The following WDPCP variants were observed in gnomAD, a reference collection of about 807,000 sequenced individuals.
The protein encoded by WDPCP is WD repeat containing planar cell polarity effector.
WDPCP carries 71 observed loss-of-function variants against 93.1 expected under a neutral mutation model. That is an observed-to-expected ratio of 0.76 (90% CI 0.63 to 0.93). The LOEUF is 0.93. WDPCP is among the 40% of genes least tolerant of loss of function. The pLI is 0.00. For missense variants in WDPCP, 844 were observed against 887.4 expected, an observed-to-expected ratio of 0.95 and a Z score of 0.62; for synonymous variants, 315 against 315.0, an observed-to-expected ratio of 1.00 and a Z score of 0.00.
At chr2:63,544,366 TGACTTATAAAA>T (rs1160943950) in intron 1 of WDPCP, among the ~76,000 whole-genome samples, 1 of 152,168 alleles carries the variant, frequency 6.6e-6, no homozygotes, top group Non-Finnish European at 1.5e-5. Context: ...TAACTTTGTT[TGACTTATAAAA>T]GACTTATAAA....
chr2:63,362,127 A>C (rs1293728915), intron 12 of WDPCP, among the ~76,000 whole-genome samples: 2 of 152,056 alleles, frequency 1.3e-5, no homozygotes, highest in Non-Finnish European at 2.9e-5. Context: ...GTTACTGTTG[A>C]CTATAATTTC....
intron 12 of WDPCP, among the ~76,000 whole-genome samples, chr2:63,326,334 C>T (rs1000543347): frequency 3.9e-5 from 6 of 152,212 alleles, no homozygotes; most frequent in African/African-American, 7.2e-5. Flanking sequence ...TGACCTTAAC[C>T]TATATGTTGA....
At chr2:63,687,481 A>C (rs1175103801) in intron 2 of WDPCP, among the ~76,000 whole-genome samples, 1 of 152,252 alleles carries the variant, frequency 6.6e-6, no homozygotes, top group Non-Finnish European at 1.5e-5. Context: ...AAACAACTCA[A>C]TAGGAAAAAA....
chr2:63,258,572 C>T (rs1681339140), intron 14 of WDPCP, among the ~76,000 whole-genome samples: 1 of 152,130 alleles, frequency 6.6e-6, no homozygotes, highest in Non-Finnish European at 1.5e-5. Flanking sequence ...TTATTTGTTT[C>T]AGAGGAGTTC....
intron 7 of WDPCP, chr2:63,437,860 A>T: frequency 6.3e-7 from 1 of 1,598,698 alleles, no homozygotes; most frequent in Non-Finnish European, 8.5e-7. Flanking sequence ...ACTATTTCGC[A>T]CCTGAATGTA....
At chr2:63,515,144 A>C (rs1702472389) in intron 1 of WDPCP, among the ~76,000 whole-genome samples, 1 of 152,168 alleles carries the variant, frequency 6.6e-6, no homozygotes, top group Non-Finnish European at 1.5e-5. Context: ...TTAACTGTAA[A>C]ATATTTTAAT....
At chr2:63,819,786 G>C (rs1670992612) in intron 1 of WDPCP, among the ~76,000 whole-genome samples, 1 of 152,116 alleles carries the variant, frequency 6.6e-6, no homozygotes, top group East Asian at 1.9e-4. Context: ...AAGTACAAAG[G>C]AGACAGTTTT....
chr2:63,337,893 T>A (rs1007672093), intron 12 of WDPCP, among the ~76,000 whole-genome samples: 4 of 152,206 alleles, frequency 2.6e-5, no homozygotes, highest in African/African-American at 9.7e-5. Context: ...ATATTCTGAT[T>A]ATTAATCTCT....
chr2:63,369,249 T>G, intron 12 of WDPCP: 1 of 335,134 alleles, frequency 3.0e-6, no homozygotes, highest in South Asian at 2.5e-5. Flanking sequence ...AAAGGCCAGT[T>G]ACTTAATACA....
At chr2:63,653,865 G>A (rs1408437897) in intron 2 of WDPCP, among the ~76,000 whole-genome samples, 2 of 149,734 alleles carry the variant, frequency 1.3e-5, no homozygotes, top group African/African-American at 2.5e-5. Context: ...AGTTGAGATC[G>A]TGCCACTGCA....
intron 15 of WDPCP, among the ~76,000 whole-genome samples, chr2:63,167,579 G>A (rs1009218441): frequency 6.6e-6 from 1 of 152,090 alleles, no homozygotes; most frequent in African/African-American, 2.4e-5. Context: ...GTTGGTTCTT[G>A]TTAAACATTG....
At chr2:63,553,941 AGTGT>A (rs1211237588) in intron 1 of WDPCP, among the ~76,000 whole-genome samples, 3 of 152,168 alleles carry the variant, frequency 2.0e-5, no homozygotes, top group Non-Finnish European at 4.4e-5. Context: ...TTGATATGTC[AGTGT>A]GTATTTCCTA....
chr2:63,418,572 A>T (rs1386863834), intron 9 of WDPCP, among the ~76,000 whole-genome samples: 2 of 152,156 alleles, frequency 1.3e-5, no homozygotes, highest in East Asian at 3.8e-4. Flanking sequence ...GACTTGGTGA[A>T]TTCTGAAATC....
At chr2:63,224,785 G>A (rs1678144809) in intron 14 of WDPCP, among the ~76,000 whole-genome samples, 1 of 151,964 alleles carries the variant, frequency 6.6e-6, no homozygotes, top group South Asian at 2.1e-4. Context: ...AGTGAAACTA[G>A]TCTATATGAT....
intron 12 of WDPCP, among the ~76,000 whole-genome samples, chr2:63,370,673 C>T (rs1691304238): frequency 6.6e-6 from 1 of 151,984 alleles, no homozygotes; most frequent in South Asian, 2.1e-4. Flanking sequence ...CATTAATTAC[C>T]ATTTTCTTTC....
At chr2:63,575,299 A>G (rs887610890) in intron 1 of WDPCP, among the ~76,000 whole-genome samples, 2 of 148,210 alleles carry the variant, frequency 1.3e-5, no homozygotes, top group Non-Finnish European at 3.0e-5. Flanking sequence ...TATAGTATGT[A>G]TATATATAGT....
At chr2:63,818,867 A>T (rs1670976517) in intron 1 of WDPCP, among the ~76,000 whole-genome samples, 1 of 152,130 alleles carries the variant, frequency 6.6e-6, no homozygotes, top group African/African-American at 2.4e-5. Flanking sequence ...GGCATATATG[A>T]GCTTCTGGGG....
At chr2:63,201,916 T>G (rs1031469287) in intron 14 of WDPCP, among the ~76,000 whole-genome samples, 2 of 152,080 alleles carry the variant, frequency 1.3e-5, no homozygotes, top group African/African-American at 4.8e-5. Flanking sequence ...AGCTGATTAT[T>G]TTTGTGATTC....
At chr2:63,606,360 C>T (rs907670250) in intron 3 of WDPCP, among the ~76,000 whole-genome samples, 1 of 152,130 alleles carries the variant, frequency 6.6e-6, no homozygotes, top group Non-Finnish European at 1.5e-5. Context: ...GGCAACAGAA[C>T]GGGACCCTGT....
Sources: allele counts gnomAD v4.1 joint callset (sites outside exome capture counted in the v4.1 genomes callset), GRCh38; gene constraint gnomAD v4.1.1; transcripts MANE v1.5; gene names NCBI Gene and HGNC (gene_info 2026-07-23, HGNC 2026-07-21).